FGF5: variants seen among roughly 807,000 people sequenced by gnomAD.
FGF5 encodes heparin-binding growth factor 5.
In FGF5, 23 loss-of-function variants were observed where a neutral mutation model predicts 21.8. The observed-to-expected ratio is 1.05, with a 90% confidence interval of 0.76 to 1.49. FGF5 has a LOEUF of 1.49. Ranked by LOEUF, FGF5 falls within the 40% of genes most tolerant of loss-of-function variation. FGF5 has a pLI of 0.00. For missense variants in FGF5, 352 were observed against 332.9 expected (o/e 1.06, Z -0.45); for synonymous variants, 158 against 124.0 (o/e 1.27, Z -1.82).
rs1203315919 is a variant in FGF5, at chr4:80,274,930, T to C, written c.377T>C (p.Val126Ala). The change falls in exon 2 of 3, where the codon GTG becomes GCG. Residue 126 changes from valine (V) to alanine (A), a missense_variant. Transcript: ENST00000312465. The part of the protein sequence containing the change: ...NMLSVLEIFA[V>A]SQGIVGIRGV... ...CTAGGTGTTTTGGAAATATTTGCTG[T>C]GTCTCAGGGGATTGTAGGAATACGA... 4 of 1,580,056 alleles carry C rather than the reference T, an allele frequency of 2.5e-6. No homozygotes were observed. Among genetic ancestry groups the C allele is most frequent in the Non-Finnish European group, 3.5e-6 (4 of 1,154,456 alleles).
chr4:80,270,055 G>A (rs1229483380), intron 1 of FGF5, among the ~76,000 whole-genome samples: 3 of 152,240 alleles, frequency 2.0e-5, no homozygotes, highest in Admixed American at 6.5e-5. Context: ...GTAAACTAAG[G>A]TGTTGGCCAT....
rs1349851733 is a variant in FGF5 at position 80,286,695 on chromosome 4, A to C, written c.*23A>C. 9 of 1,587,052 alleles carry C rather than the reference A, an allele frequency of 5.7e-6. No homozygotes were observed. The highest frequency in any genetic ancestry group is 1.7e-4 in the Middle Eastern group (1 of 5,984). On this transcript the variant is annotated 3_prime_UTR_variant, in exon 3 of 3. Transcript: ENST00000312465. The stretch of plus-strand genomic sequence containing the variant: ...TAATATTCCTCTTGGCCTTGTGAGA[A>C]ACCATTCTTTCCCCTCAGGAGTTTC...
Position 80,289,664 on chromosome 4 carries a change from A to G in FGF5, c.*2992A>G, listed in dbSNP as rs557102322. 1 of 151,714 alleles carries G rather than the reference A, an allele frequency of 6.6e-6. No individual in the cohort carries two copies. The highest frequency in any genetic ancestry group is 1.5e-5 in the Non-Finnish European group (1 of 67,990). The allele number at this position is 151,714 out of a possible 1,614,324, so 9.4% of individuals were successfully genotyped here. A position where few individuals can be genotyped will look rare whatever the true frequency, so the allele number is the denominator to read the frequency against. ...GAGATAAATAGAAATTTTCAATAAG[A>G]TGTAGTAACACTGTGATTTATCTTT... is the stretch of plus-strand genomic sequence containing the variant. On this transcript the variant is annotated 3_prime_UTR_variant, in exon 3 of 3. Coordinates refer to ENST00000312465, the MANE Select transcript of FGF5 (RefSeq NM_004464.4).
intron 2 of FGF5, among the ~76,000 whole-genome samples, chr4:80,282,134 G>A (rs1008798271): frequency 6.6e-5 from 10 of 152,062 alleles, no homozygotes; most frequent in Admixed American, 5.2e-4. Context: ...GGCTGATTTT[G>A]TATTTTTAGT....
Position 80,290,489 on chromosome 4 carries a change from A to G in FGF5, c.*3817A>G, listed in dbSNP as rs894479719. ...GAAAAGGGAACAAGATGCTGATCCAACCTGAGTGGAGTCAGGTGAGGCATC... is the reference window on the plus strand; with the variant it reads ...GAAAAGGGAACAAGATGCTGATCCAGCCTGAGTGGAGTCAGGTGAGGCATC... On this transcript the variant is annotated 3_prime_UTR_variant, in exon 3 of 3. Transcript: ENST00000312465. 6.6e-6 allele frequency: 1 copy of G among 152,148 alleles called. No individual in the cohort carries two copies. 9.4% of individuals were successfully genotyped at this position (152,148 alleles called of 1,614,324 possible). A position where few individuals can be genotyped will look rare whatever the true frequency, so the allele number is the denominator to read the frequency against.
chr4:80,277,162 G>C (rs892039499), intron 2 of FGF5, among the ~76,000 whole-genome samples: 3 of 152,220 alleles, frequency 2.0e-5, no homozygotes, highest in African/African-American at 7.2e-5. Context: ...AAGGATGGCT[G>C]GTTGAAATAA....
At chr4:80,269,554 G>C (rs1343708416) in intron 1 of FGF5, among the ~76,000 whole-genome samples, 1 of 152,164 alleles carries the variant, frequency 6.6e-6, no homozygotes, top group Admixed American at 6.5e-5. Context: ...TAAAATCCAT[G>C]TTGAAAGATA....
At chr4:80,282,209 G>A (rs776178116) in intron 2 of FGF5, among the ~76,000 whole-genome samples, 4 of 152,060 alleles carry the variant, frequency 2.6e-5, no homozygotes, top group Non-Finnish European at 4.4e-5. Context: ...AGATCCACCC[G>A]CCTTGGCCTC....
chr4:80,283,757 T>C lies in FGF5; in HGVS notation c.460-2568T>C, dbSNP rs568936077. On this transcript the variant is annotated intron_variant, in intron 2 of 2. Transcript: ENST00000312465. ...AATGTATTACACATTTTCAAAAATG[T>C]CATTCAACTGCATTTTAAGAAAAAA... is the stretch of plus-strand genomic sequence containing the variant. 2.0e-5 allele frequency among the ~76,000 whole-genome samples: 3 copies of C among 152,176 alleles called. No individual in the cohort carries two copies. The South Asian group carries it at 6.2e-4, about 32-fold the overall frequency.
intron 2 of FGF5, among the ~76,000 whole-genome samples, chr4:80,279,729 T>C (rs962630775): frequency 2.6e-5 from 4 of 152,236 alleles, no homozygotes; most frequent in African/African-American, 9.6e-5. Context: ...TTCAGTCTTT[T>C]CATAAAGTAT....
intron 2 of FGF5, among the ~76,000 whole-genome samples, chr4:80,282,082 T>C (rs978856347): frequency 2.0e-5 from 3 of 152,012 alleles, no homozygotes; most frequent in African/African-American, 7.3e-5. Flanking sequence ...CCTGCCTCAG[T>C]CTCCTGAGTA....
intron 2 of FGF5, among the ~76,000 whole-genome samples, chr4:80,285,033 G>T (rs909681960): frequency 1.3e-5 from 2 of 152,066 alleles, no homozygotes; most frequent in African/African-American, 2.4e-5. Context: ...TGGGGGTTAT[G>T]GGCTCTTTCA....
At chr4:80,280,123 T>C (rs2109925752) in intron 2 of FGF5, among the ~76,000 whole-genome samples, 1 of 152,354 alleles carries the variant, frequency 6.6e-6, no homozygotes. Flanking sequence ...AGCACTCCAC[T>C]CTGCCAGTCA....
intron 1 of FGF5, chr4:80,268,674 G>A (rs1452446970): frequency 1.0e-5 from 3 of 287,752 alleles, no homozygotes; most frequent in African/African-American, 6.8e-5. Flanking sequence ...CCGCCCCTCT[G>A]CGCCTGTCTA....
intron 2 of FGF5, among the ~76,000 whole-genome samples, chr4:80,278,554 A>G (rs1046367909): frequency 6.6e-6 from 1 of 152,196 alleles, no homozygotes; most frequent in African/African-American, 2.4e-5. Context: ...TTGCTCACAG[A>G]AAACTTCATT....
rs1016336255 is a variant in FGF5 at position 80,285,646 on chromosome 4, A to G, written c.460-679A>G. On this transcript the variant is annotated intron_variant, in intron 2 of 2. Coordinates refer to ENST00000312465, the MANE Select transcript of FGF5 (RefSeq NM_004464.4). ...TATTCTGTAAGCATTTCAAGGGCAGATATTTTGTGTGTGTGTAAGATCTGG... is the reference window on the plus strand; with the variant it reads ...TATTCTGTAAGCATTTCAAGGGCAGGTATTTTGTGTGTGTGTAAGATCTGG... Among the ~76,000 whole-genome samples, 74 of 152,178 alleles carry G rather than the reference A, an allele frequency of 4.9e-4. 1 individual carries two copies. Among genetic ancestry groups the G allele is most frequent in the African/African-American group, 1.7e-3 (72 of 41,444 alleles).
chr4:80,274,454 A>G (rs550152148), intron 1 of FGF5, among the ~76,000 whole-genome samples: 10 of 152,200 alleles, frequency 6.6e-5, no homozygotes, highest in Non-Finnish European at 1.3e-4. Flanking sequence ...AATTTATTTA[A>G]TGTAAATAAG....
At chr4:80,283,641 T>C (rs36116997) in intron 2 of FGF5, among the ~76,000 whole-genome samples, 8,362 of 152,234 alleles carry the variant, frequency 0.055, 315 homozygotes, top group Non-Finnish European at 0.083. Flanking sequence ...TTAAATAATG[T>C]AGTACATTGT....
At position 80,289,371 on chromosome 4, in the gene FGF5, TA is replaced by T. The variant is rs1560504045; in HGVS notation, c.*2702del. ...TGAACTTATGTACAGAAAACATGTA[TA>T]AATATAAGTCTATACTAATGCTTAC... is the stretch of plus-strand genomic sequence containing the variant. On this transcript the variant is annotated 3_prime_UTR_variant, in exon 3 of 3. Coordinates refer to ENST00000312465, the MANE Select transcript of FGF5 (RefSeq NM_004464.4). The T allele has an allele frequency of 1.3e-5, 2 of 152,312 alleles. No individual in the cohort carries two copies. Among genetic ancestry groups the T allele is most frequent in the African/African-American group, 2.4e-5 (1 of 41,578 alleles). The allele number at this position is 152,312 out of a possible 1,614,324, so 9.4% of individuals were successfully genotyped here.
Sources: gnomAD v4.1 joint callset for allele counts (sites outside exome capture counted in the v4.1 genomes callset) on GRCh38, gnomAD v4.1.1 for gene constraint, MANE v1.5 for transcripts, NCBI Gene and HGNC (gene_info 2026-07-23, HGNC 2026-07-21) for gene names.